The following WDR48 variants were observed in gnomAD, a reference collection of about 807,000 sequenced individuals.
WDR48 encodes WD repeat domain 48, also known as WD repeat-containing protein 48.
Under a neutral mutation model 94.0 loss-of-function variants are expected in WDR48, and 22 were observed. The ratio of observed to expected loss-of-function variants is 0.23; its 90% CI spans 0.17 to 0.33. The LOEUF (loss-of-function observed/expected upper bound fraction) is 0.33. WDR48 is among the 10% of genes least tolerant of loss of function. The probability of loss-of-function intolerance (pLI) is 1.00; values close to 1 mark genes in which losing one functional copy is unlikely to be tolerated. For synonymous variants in WDR48, 278 were observed against 280.5 expected (o/e 0.99, Z 0.09); for missense variants, 541 against 813.8 (o/e 0.66, Z 4.08).
Position 39,074,925 on chromosome 3 carries a change from G to A in WDR48, c.872G>A (p.Cys291Tyr). The change falls in exon 8 of 19, where the codon TGT (cysteine) becomes TAT (tyrosine). Residue 291 changes from cysteine (C) to tyrosine (Y), a missense_variant. This residue lies in a region of WDR48 where 238 missense variants were observed against 285.3 expected (regional missense o/e 0.83). Transcript: ENST00000302313. Reference sequence around the variant, plus strand: ...AACCCTGACATTCGGGTGCTAATTTGTGAAGAAAAAGCACCAGTTCTCAAG... The same window carrying A: ...AACCCTGACATTCGGGTGCTAATTTATGAAGAAAAAGCACCAGTTCTCAAG... Reference protein sequence around the residue: ...LRNPDIRVLICEEKAPVLKME... With the variant: ...LRNPDIRVLIYEEKAPVLKME... The A allele has an allele frequency of 6.2e-7, 1 of 1,614,154 alleles. No individual in the cohort carries two copies. The highest frequency in any genetic ancestry group is 1.1e-5 in the South Asian group (1 of 91,078).
intron 17 of WDR48, among the ~76,000 whole-genome samples, chr3:39,092,876 T>TACACACACACACACACACACAC (rs3033301): frequency 4.8e-5 from 7 of 146,070 alleles, no homozygotes; most frequent in African/African-American, 1.8e-4. Flanking sequence ...CATCTCTGTC[T>TACACACACACACACACACACAC]ACACACACAC....
intron 12 of WDR48, 132 bp from the exon 13 acceptor site, chr3:39,084,511 TCA>T: frequency 1.4e-6 from 1 of 711,990 alleles, no homozygotes; most frequent in Non-Finnish European, 2.2e-6. Flanking sequence ...TTGCATTGAA[TCA>T]CACAAAACAC....
chr3:39,068,725 A>G, intron 5 of WDR48, 46 bp from the exon 6 acceptor site: 1 of 1,449,758 alleles, frequency 6.9e-7, no homozygotes, highest in Non-Finnish European at 9.5e-7. Context: ...TAGTTACTAA[A>G]CAGCTGATGA....
At chr3:39,084,846 T>C in intron 13 of WDR48, 105 bp downstream of exon 13, 1 of 881,894 alleles carries the variant, frequency 1.1e-6, no homozygotes. Context: ...CTATATTTTG[T>C]TGACTATGTC....
At chr3:39,065,703 A>C (rs1266432599) in intron 2 of WDR48, 108 bp from the exon 3 acceptor site, 2 of 682,244 alleles carry the variant, frequency 2.9e-6, no homozygotes, top group Non-Finnish European at 4.6e-6. Context: ...GTTAGTTTTA[A>C]TGCCTAGAGC....
chr3:39,067,026 T>A, intron 5 of WDR48, 151 bp downstream of exon 5: 1 of 899,884 alleles, frequency 1.1e-6, no homozygotes, highest in Non-Finnish European at 1.7e-6. Context: ...CCCAAGAGTA[T>A]GATTGAACAA....
intron 10 of WDR48, among the ~76,000 whole-genome samples, chr3:39,078,891 G>A (rs373728946): frequency 8.6e-5 from 13 of 151,442 alleles, no homozygotes; most frequent in South Asian, 4.2e-4. Context: ...TTAGCTGGGC[G>A]TAGTGGCGGG....
intron 12 of WDR48, 86 bp downstream of exon 12, chr3:39,084,348 G>T: frequency 1.1e-6 from 1 of 912,056 alleles, no homozygotes; most frequent in Non-Finnish European, 1.5e-6. Context: ...ACAGAGTCCT[G>T]TGTTTTTAGG....
At chr3:39,081,625 A>G (rs2034539535) in intron 11 of WDR48, among the ~76,000 whole-genome samples, 1 of 152,204 alleles carries the variant, frequency 6.6e-6, no homozygotes, top group South Asian at 2.1e-4. Context: ...TTGATACTCT[A>G]CCACAAATGT....
chr3:39,059,260 A>G (rs1575391339), intron 1 of WDR48, among the ~76,000 whole-genome samples: 1 of 152,142 alleles, frequency 6.6e-6, no homozygotes, highest in East Asian at 1.9e-4. Flanking sequence ...GAGTATTCCT[A>G]TAGGGATTCG....
chr3:39,056,093 G>A (rs1238217794), intron 1 of WDR48, among the ~76,000 whole-genome samples: 1 of 152,152 alleles, frequency 6.6e-6, no homozygotes, highest in East Asian at 1.9e-4. Flanking sequence ...AAGGTGACAT[G>A]TCTTGAAACA....
chr3:39,078,506 C>T (rs1318577054), intron 10 of WDR48, among the ~76,000 whole-genome samples: 1 of 151,906 alleles, frequency 6.6e-6, no homozygotes, highest in Non-Finnish European at 1.5e-5. Context: ...GCAACCCCTG[C>T]CTCCCGGGTT....
chr3:39,090,905 A>G (rs1371494643), intron 16 of WDR48: 1 of 152,220 alleles, frequency 6.6e-6, no homozygotes, highest in East Asian at 1.9e-4. Context: ...TGAGCACCCC[A>G]TAAGCCACTA....
chr3:39,091,569 T>G, intron 16 of WDR48, 56 bp from the exon 17 acceptor site: 1 of 1,304,802 alleles, frequency 7.7e-7, no homozygotes, highest in Non-Finnish European at 1.1e-6. Flanking sequence ...ATTAACATTA[T>G]TTTCATTTAT....
intron 1 of WDR48, among the ~76,000 whole-genome samples, chr3:39,057,521 A>G (rs1388751183): frequency 2.0e-5 from 3 of 152,260 alleles, no homozygotes; most frequent in African/African-American, 4.8e-5. Flanking sequence ...TAAGTAATAC[A>G]TGTTGTTTGT....
chr3:39,070,027 T>C (rs2033840318), intron 7 of WDR48, among the ~76,000 whole-genome samples: 2 of 152,240 alleles, frequency 1.3e-5, no homozygotes, highest in African/African-American at 2.4e-5. Flanking sequence ...ATTACCTGTG[T>C]AAAGCAAAAG....
At chr3:39,052,244 G>A (rs1161032665) in intron 1 of WDR48, 171 bp downstream of exon 1, 2 of 731,450 alleles carry the variant, frequency 2.7e-6, no homozygotes, top group Non-Finnish European at 4.3e-6. Flanking sequence ...TTGAGGAAGG[G>A]GCGGGGGTCG....
intron 10 of WDR48, among the ~76,000 whole-genome samples, chr3:39,078,730 T>C (rs1430244654): frequency 7.4e-6 from 1 of 135,252 alleles, no homozygotes; most frequent in Non-Finnish European, 1.6e-5. Context: ...GAAAAAGTTA[T>C]TTTAAAAAAT....
chr3:39,071,333 C>G (rs1304208126), intron 7 of WDR48, among the ~76,000 whole-genome samples: 2 of 152,220 alleles, frequency 1.3e-5, no homozygotes, highest in Non-Finnish European at 2.9e-5. Context: ...TTTCACATGA[C>G]TGTAAGAATT....
Sources: gnomAD v4.1 joint callset for allele counts (sites outside exome capture counted in the v4.1 genomes callset) on GRCh38, gnomAD v4.1.1 for gene constraint, gnomAD v4.1.1 regional missense constraint, MANE v1.5 for transcripts, NCBI Gene and HGNC (gene_info 2026-07-23, HGNC 2026-07-21) for gene names.